The following CPNE4 variants were observed in gnomAD, a reference collection of about 807,000 sequenced individuals.
CPNE4 encodes the protein copine 4.
CPNE4 carries 25 observed loss-of-function variants against 67.9 expected under a neutral mutation model. That is an observed-to-expected ratio of 0.37 (90% confidence interval 0.27 to 0.51). The LOEUF is 0.51. Ranked by LOEUF, CPNE4 falls within the 20% of genes least tolerant of loss-of-function variation. The probability of loss-of-function intolerance (pLI) is 0.93; values close to 1 mark genes in which losing one functional copy is unlikely to be tolerated. For synonymous variants in CPNE4, 242 were observed against 244.9 expected, an observed-to-expected ratio of 0.99 and a Z score of 0.11; for missense variants, 464 against 690.8, an observed-to-expected ratio of 0.67 and a Z score of 3.68.
chr3:131,550,053 T>C lies in CPNE4; in HGVS notation c.1196A>G (p.Gln399Arg), dbSNP rs1936087230. The C allele has an allele frequency of 6.2e-7, 1 of 1,613,036 alleles. No homozygotes were observed. Among genetic ancestry groups the C allele is most frequent in the South Asian group, 1.1e-5 (1 of 91,042 alleles). Residue 399 changes from glutamine (Q) to arginine (R), a missense_variant, in exon 14 of 16, where the codon CAG becomes CGG. Around this residue, in one of 6 missense-constraint regions of CPNE4, gnomAD observed 201 missense variants for 357.7 expected, o/e 0.56. Coordinates refer to ENST00000429747, the MANE Select transcript of CPNE4 (RefSeq NM_130808.3). ...AGIQGVVEAY[Q>R]SCLPKLQLYG... ...GAGTTGGAGCTTAGGAAGACAGCTC[T>C]GATAGGCTTCCACAACTCCTTGAAT...
Position 131,687,279 on chromosome 3 carries a change from T to C in CPNE4, c.508-1321A>G, listed in dbSNP as rs1052313838. 2.6e-5 allele frequency among the ~76,000 whole-genome samples: 4 copies of C among 152,238 alleles called. No individual in the cohort carries two copies. In the East Asian group the frequency reaches 5.8e-4, roughly 22 times the overall value. On this transcript the variant is annotated intron_variant, in intron 5 of 15. Transcript: ENST00000429747. The stretch of plus-strand genomic sequence containing the variant: ...AAACTTGATTTTTACCCCCAGTAGA[T>C]TATAAATTCTCAAAGAGGAGAAACT...
At chr3:131,553,478 A>G (rs1936296214) in intron 12 of CPNE4, among the ~76,000 whole-genome samples, 1 of 152,004 alleles carries the variant, frequency 6.6e-6, no homozygotes, top group Non-Finnish European at 1.5e-5. Flanking sequence ...GACCCTTGGG[A>G]GTAATCAGTA....
chr3:131,963,937 C>A (rs993839281), intron 1 of CPNE4, among the ~76,000 whole-genome samples: 12 of 152,160 alleles, frequency 7.9e-5, no homozygotes, highest in Non-Finnish European at 1.6e-4. Flanking sequence ...TAGGAGATAT[C>A]TCCTAGCAGG....
chr3:131,767,626 A>G (rs2083056503), intron 2 of CPNE4, among the ~76,000 whole-genome samples: 1 of 152,074 alleles, frequency 6.6e-6, no homozygotes, highest in Non-Finnish European at 1.5e-5. Flanking sequence ...AGCCCCAGCC[A>G]CAATTTTTTC....
At chr3:131,718,270 C>A (rs531213822) in intron 3 of CPNE4, among the ~76,000 whole-genome samples, 4 of 152,214 alleles carry the variant, frequency 2.6e-5, no homozygotes, top group East Asian at 3.9e-4. Flanking sequence ...CAGGCGTGAG[C>A]CACTGCACCC....
At chr3:131,634,244 A>G (rs1226562807) in intron 7 of CPNE4, among the ~76,000 whole-genome samples, 3 of 152,176 alleles carry the variant, frequency 2.0e-5, no homozygotes, top group Admixed American at 1.3e-4. Flanking sequence ...AACACATTTA[A>G]TAGTCATATA....
At chr3:131,843,280 A>C (rs2085865951) in intron 2 of CPNE4, among the ~76,000 whole-genome samples, 1 of 152,198 alleles carries the variant, frequency 6.6e-6, no homozygotes, top group African/African-American at 2.4e-5. Flanking sequence ...GAGAATCTGC[A>C]AGTTATTTGT....
chr3:131,696,680 G>A, intron 4 of CPNE4, 64 bp from the exon 5 acceptor site: 3 of 1,458,680 alleles, frequency 2.1e-6, no homozygotes, highest in Non-Finnish European at 2.9e-6. Flanking sequence ...GAACCCATGA[G>A]CAAATTTAGT....
intron 7 of CPNE4, among the ~76,000 whole-genome samples, chr3:131,661,646 C>G (rs2080128169): frequency 6.6e-6 from 1 of 152,152 alleles, no homozygotes. Flanking sequence ...GCAGACTGAA[C>G]TATTGACAGG....
At chr3:131,717,912 TTC>T (rs1376113429) in intron 3 of CPNE4, among the ~76,000 whole-genome samples, 2 of 146,692 alleles carry the variant, frequency 1.4e-5, no homozygotes, top group South Asian at 2.2e-4. Flanking sequence ...CTTTCTTTCT[TTC>T]TTTCTTTCTT....
chr3:131,737,469 C>G (rs1316765487), intron 2 of CPNE4, among the ~76,000 whole-genome samples: 1 of 152,038 alleles, frequency 6.6e-6, no homozygotes, highest in Non-Finnish European at 1.5e-5. Context: ...GGTGAAAGAA[C>G]TATTAGTGAG....
intron 2 of CPNE4, among the ~76,000 whole-genome samples, chr3:131,829,482 A>G (rs1553780571): frequency 6.6e-6 from 1 of 152,222 alleles, no homozygotes; most frequent in Non-Finnish European, 1.5e-5. Flanking sequence ...TCTTTATACC[A>G]TTATGATCCC....
At chr3:131,812,964 A>T (rs1422067195) in intron 2 of CPNE4, among the ~76,000 whole-genome samples, 3 of 152,226 alleles carry the variant, frequency 2.0e-5, no homozygotes, top group Non-Finnish European at 4.4e-5. Context: ...AGTAGTTTTT[A>T]AATCAATGAA....
intron 7 of CPNE4, among the ~76,000 whole-genome samples, chr3:131,594,156 A>G (rs1291982001): frequency 1.3e-5 from 2 of 152,170 alleles, no homozygotes; most frequent in Non-Finnish European, 2.9e-5. Context: ...GGTCTTTATT[A>G]TATTAAGGTA....
intron 2 of CPNE4, among the ~76,000 whole-genome samples, chr3:131,753,114 C>T (rs1218705626): frequency 6.6e-6 from 1 of 151,594 alleles, no homozygotes; most frequent in African/African-American, 2.4e-5. Flanking sequence ...ATAGAGAGAT[C>T]AGAAAAGGTT....
At chr3:131,583,729 C>A (rs1203676092) in intron 8 of CPNE4, among the ~76,000 whole-genome samples, 1 of 152,046 alleles carries the variant, frequency 6.6e-6, no homozygotes, top group Non-Finnish European at 1.5e-5. Context: ...CCTGATGGAC[C>A]AGATCTAAAT....
At chr3:131,631,282 T>C (rs2079214189) in intron 7 of CPNE4, among the ~76,000 whole-genome samples, 1 of 152,190 alleles carries the variant, frequency 6.6e-6, no homozygotes, top group Non-Finnish European at 1.5e-5. Flanking sequence ...AGAGAAATTT[T>C]CTATGTCTTT....
At chr3:131,656,123 T>C (rs2079956507) in intron 7 of CPNE4, among the ~76,000 whole-genome samples, 1 of 151,468 alleles carries the variant, frequency 6.6e-6, no homozygotes, top group Non-Finnish European at 1.5e-5. Context: ...CTCTGTTGGC[T>C]GCTTTATCCT....
At chr3:131,755,254 C>T (rs200453964) in intron 2 of CPNE4, among the ~76,000 whole-genome samples, 2 of 150,002 alleles carry the variant, frequency 1.3e-5, no homozygotes, top group Non-Finnish European at 2.9e-5. Flanking sequence ...ACTAAGGGAG[C>T]TGTGAGTACA....
Sources: gnomAD v4.1 joint callset for allele counts (sites outside exome capture counted in the v4.1 genomes callset) on GRCh38, gnomAD v4.1.1 for gene constraint, gnomAD v4.1.1 regional missense constraint, MANE v1.5 for transcripts, NCBI Gene and HGNC (gene_info 2026-07-23, HGNC 2026-07-21) for gene names.